The following NAALADL2 variants were observed in gnomAD, a reference collection of about 807,000 sequenced individuals.
NAALADL2 encodes the protein inactive N-acetylated-alpha-linked acidic dipeptidase-like protein 2.
NAALADL2 carries 76 observed loss-of-function variants against 87.2 expected under a neutral mutation model. The observed-to-expected ratio is 0.87, with a 90% CI of 0.72 to 1.05. NAALADL2 has a LOEUF of 1.05. Ranked by LOEUF, NAALADL2 falls within the 50% of genes least tolerant of loss-of-function variation. NAALADL2 has a pLI of 0.00. For missense variants in NAALADL2, 1,089 were observed against 945.8 expected, an observed-to-expected ratio of 1.15 and a Z score of -1.99; for synonymous variants, 354 against 331.0, an observed-to-expected ratio of 1.07 and a Z score of -0.75.
In NAALADL2 at chr3:174,573,083, C is replaced by G. The variant is rs79790918; in HGVS notation, c.-115+22446C>G. 2.7e-3 allele frequency among the ~76,000 whole-genome samples: 410 copies of G among 152,234 alleles called. 3 individuals are homozygous for G. Among genetic ancestry groups the G allele is most frequent in the African/African-American group, 9.4e-3 (392 of 41,524 alleles). ...ATCACAGATTACCACCGCATCACTA[C>G]CTACTGTATGTATGTATATCACATG... On this transcript the variant is annotated intron_variant, in intron 2 of 3. Transcript: ENST00000434257.
intron 11 of NAALADL2, among the ~76,000 whole-genome samples, chr3:175,656,270 G>A (rs964150492): frequency 4.6e-5 from 7 of 152,226 alleles, no homozygotes; most frequent in African/African-American, 1.7e-4. Context: ...AGAGACGTTT[G>A]TCTCAGAATT....
chr3:174,762,954 A>G (rs1020778392), intron 3 of NAALADL2, among the ~76,000 whole-genome samples: 7 of 152,220 alleles, frequency 4.6e-5, no homozygotes, highest in Non-Finnish European at 1.0e-4. Flanking sequence ...TATCATTGAC[A>G]ATGTAATATT....
At chr3:175,166,782 C>G (rs1734071585) in intron 2 of NAALADL2, among the ~76,000 whole-genome samples, 1 of 152,082 alleles carries the variant, frequency 6.6e-6, no homozygotes, top group South Asian at 2.1e-4. Context: ...ATAACTACCT[C>G]TTGAACTCTC....
At chr3:175,223,250 C>T (rs1743661441) in intron 2 of NAALADL2, among the ~76,000 whole-genome samples, 1 of 151,862 alleles carries the variant, frequency 6.6e-6, no homozygotes, top group South Asian at 2.1e-4. Context: ...AACGTTTGTA[C>T]CTTTTCATCA....
At chr3:174,822,019 G>T (rs1456555603) in intron 3 of NAALADL2, among the ~76,000 whole-genome samples, 1 of 152,140 alleles carries the variant, frequency 6.6e-6, no homozygotes, top group Non-Finnish European at 1.5e-5. Flanking sequence ...AGTAATAAAT[G>T]ATGTATATAT....
chr3:174,963,678 A>G (rs1300690743), intron 1 of NAALADL2, among the ~76,000 whole-genome samples: 1 of 152,136 alleles, frequency 6.6e-6, no homozygotes, highest in Non-Finnish European at 1.5e-5. Flanking sequence ...ATTTATTTTG[A>G]TATCACTGTG....
rs75561976 is a variant in NAALADL2 at position 175,143,008 on chromosome 3, G to T, written c.545+45717G>T. Among the ~76,000 whole-genome samples the T allele has an allele frequency of 5.3e-5, 8 of 151,894 alleles. No individual in the cohort carries two copies. In the East Asian group the frequency reaches 1.5e-3, roughly 29 times the overall value. On this transcript the variant is annotated intron_variant, in intron 2 of 13. Coordinates refer to ENST00000454872, the MANE Select transcript of NAALADL2 (RefSeq NM_207015.3). ...GGATAATTTTATTCTTCCTTCTAGG[G>T]GAAATAATATTGGCCTTGGAGCATG...
At chr3:175,064,959 C>G (rs1714273443) in intron 1 of NAALADL2, among the ~76,000 whole-genome samples, 1 of 152,018 alleles carries the variant, frequency 6.6e-6, no homozygotes, top group Non-Finnish European at 1.5e-5. Flanking sequence ...TTGAAAAGTA[C>G]TTCATCTAAT....
chr3:175,385,696 A>C (rs1390793189), intron 5 of NAALADL2, among the ~76,000 whole-genome samples: 1 of 152,178 alleles, frequency 6.6e-6, no homozygotes, highest in African/African-American at 2.4e-5. Flanking sequence ...CCTTGATTTG[A>C]GTATATGAAT....
At chr3:174,587,604 G>T (rs1253358446) in intron 2 of NAALADL2, among the ~76,000 whole-genome samples, 1 of 152,238 alleles carries the variant, frequency 6.6e-6, no homozygotes, top group Admixed American at 6.5e-5. Flanking sequence ...TTGCTTCTCT[G>T]TAAAGGATTT....
At chr3:175,241,715 G>A (rs1581077700) in intron 3 of NAALADL2, among the ~76,000 whole-genome samples, 1 of 152,156 alleles carries the variant, frequency 6.6e-6, no homozygotes, top group East Asian at 1.9e-4. Context: ...GAGAACAGAA[G>A]CCTATTTTAT....
chr3:174,827,678 G>C (rs1013061010), intron 3 of NAALADL2, among the ~76,000 whole-genome samples: 3 of 152,154 alleles, frequency 2.0e-5, no homozygotes, highest in Admixed American at 6.6e-5. Flanking sequence ...AATGTATTGG[G>C]ATATGGACAT....
At position 174,634,869 on chromosome 3, in the gene NAALADL2, T is replaced by C. The variant is rs562610411; in HGVS notation, c.-115+84232T>C. On this transcript the variant is annotated intron_variant, in intron 2 of 3. Transcript: ENST00000434257. Reference sequence around the variant, plus strand: ...GTGAATTTAAATATGACAATGTTTATAATAGTGTTTCAAGTTGTTATAGAT... The same window carrying C: ...GTGAATTTAAATATGACAATGTTTACAATAGTGTTTCAAGTTGTTATAGAT... Among the ~76,000 whole-genome samples the C allele has an allele frequency of 1.4e-4, 21 of 152,322 alleles. No individual in the cohort carries two copies. The South Asian group carries it at 1.5e-3, about 11-fold the overall frequency.
chr3:175,008,948 A>G (rs188730549), intron 1 of NAALADL2, among the ~76,000 whole-genome samples: 1 of 152,344 alleles, frequency 6.6e-6, no homozygotes, highest in East Asian at 1.9e-4. Flanking sequence ...TTCCTTAAAA[A>G]TAAGTCTTTT....
At chr3:175,211,700 T>A (rs979585529) in intron 2 of NAALADL2, among the ~76,000 whole-genome samples, 3 of 151,992 alleles carry the variant, frequency 2.0e-5, no homozygotes, top group African/African-American at 7.2e-5. Flanking sequence ...CCCGGTGTGT[T>A]TAAATATATG....
chr3:175,412,012 T>C (rs777863775), intron 5 of NAALADL2, among the ~76,000 whole-genome samples: 39 of 152,170 alleles, frequency 2.6e-4, no homozygotes, highest in Non-Finnish European at 8.8e-5. Flanking sequence ...TGATCGAAGA[T>C]AGCAGGCTGC....
intron 11 of NAALADL2, among the ~76,000 whole-genome samples, chr3:175,679,726 A>G (rs983547869): frequency 6.6e-6 from 1 of 152,232 alleles, no homozygotes; most frequent in Non-Finnish European, 1.5e-5. Context: ...AGCTGGTATT[A>G]ATATCAGCAG....
intron 5 of NAALADL2, among the ~76,000 whole-genome samples, chr3:175,387,825 A>G (rs1768590038): frequency 6.6e-6 from 1 of 152,112 alleles, no homozygotes; most frequent in African/African-American, 2.4e-5. Context: ...TATTATATGC[A>G]GGATCTATTC....
intron 2 of NAALADL2, among the ~76,000 whole-genome samples, chr3:175,215,983 A>G (rs1173466040): frequency 6.6e-6 from 1 of 152,166 alleles, no homozygotes; most frequent in East Asian, 1.9e-4. Flanking sequence ...AATTTCTATG[A>G]CATGATGACA....
Sources: allele counts gnomAD v4.1 joint callset (sites outside exome capture counted in the v4.1 genomes callset), GRCh38; gene constraint gnomAD v4.1.1; transcripts MANE v1.5; gene names NCBI Gene and HGNC (gene_info 2026-07-23, HGNC 2026-07-21).